The following CDK14 variants were observed in gnomAD, a reference collection of about 807,000 sequenced individuals.
CDK14 encodes cyclin dependent kinase 14.
CDK14 carries 34 observed loss-of-function variants against 60.7 expected under a neutral mutation model. The ratio of observed to expected loss-of-function variants is 0.56; its 90% CI spans 0.43 to 0.75. The LOEUF (loss-of-function observed/expected upper bound fraction) is 0.75, where lower values mean the gene tolerates loss of function less well. Ranked by LOEUF, CDK14 falls within the 30% of genes least tolerant of loss-of-function variation. CDK14 has a pLI of 0.00. For missense variants in CDK14, 482 were observed against 564.1 expected (o/e 0.85, Z 1.47); for synonymous variants, 197 against 203.7 (o/e 0.97, Z 0.28).
chr7:91,019,212 G>T (rs986353605), intron 10 of CDK14, among the ~76,000 whole-genome samples: 1 of 152,156 alleles, frequency 6.6e-6, no homozygotes, highest in Admixed American at 6.5e-5. Flanking sequence ...TCCTGAGCTG[G>T]CTTTCTCTTC....
At chr7:91,079,604 A>G in intron 12 of CDK14, 124 bp downstream of exon 12, 2 of 745,482 alleles carry the variant, frequency 2.7e-6, no homozygotes, top group East Asian at 5.4e-5. Context: ...TCATTTAACC[A>G]TTAAACTGCT....
chr7:91,068,360 G>A (rs1309867874), intron 11 of CDK14, among the ~76,000 whole-genome samples: 1 of 152,118 alleles, frequency 6.6e-6, no homozygotes, highest in African/African-American at 2.4e-5. Context: ...TGTTCTGACT[G>A]GTCAATGCCT....
At chr7:91,170,961 T>G (rs889086195) in intron 14 of CDK14, among the ~76,000 whole-genome samples, 6 of 150,684 alleles carry the variant, frequency 4.0e-5, no homozygotes, top group Non-Finnish European at 8.9e-5. Flanking sequence ...AGAGACAGGG[T>G]TTCACCATGT....
intron 2 of CDK14, among the ~76,000 whole-genome samples, chr7:90,625,797 A>C (rs1008734456): frequency 1.3e-5 from 2 of 152,198 alleles, no homozygotes; most frequent in African/African-American, 2.4e-5. Context: ...GAATGAGAGG[A>C]ATCTGCCTAG....
At chr7:90,607,510 T>C (rs1799443301) in intron 2 of CDK14, among the ~76,000 whole-genome samples, 1 of 152,178 alleles carries the variant, frequency 6.6e-6, no homozygotes. Flanking sequence ...GAAAAAGAAA[T>C]ACAGACTTAT....
chr7:90,919,977 T>G (rs1455318474), intron 8 of CDK14, among the ~76,000 whole-genome samples: 2 of 152,260 alleles, frequency 1.3e-5, no homozygotes, highest in Non-Finnish European at 2.9e-5. Context: ...TTGTCCAGCT[T>G]GGAACACGCA....
intron 10 of CDK14, among the ~76,000 whole-genome samples, chr7:91,020,756 T>C (rs952782260): frequency 6.6e-5 from 10 of 152,182 alleles, no homozygotes; most frequent in African/African-American, 2.4e-4. Context: ...CTTAGTGGCT[T>C]AAAGCAACAT....
intron 2 of CDK14, among the ~76,000 whole-genome samples, chr7:90,721,524 C>T (rs1429509430): frequency 6.6e-6 from 1 of 152,176 alleles, no homozygotes; most frequent in African/African-American, 2.4e-5. Flanking sequence ...GTCCTTCTAG[C>T]ACGATCCCTG....
intron 14 of CDK14, among the ~76,000 whole-genome samples, chr7:91,198,815 A>C (rs1041999084): frequency 6.6e-6 from 1 of 152,364 alleles, no homozygotes; most frequent in Middle Eastern, 3.4e-3. Context: ...GCTGCAATAC[A>C]TTGGATAATA....
At chr7:90,767,799 C>T (rs572379598) in intron 4 of CDK14, among the ~76,000 whole-genome samples, 8 of 152,036 alleles carry the variant, frequency 5.3e-5, no homozygotes, top group East Asian at 1.9e-4. Flanking sequence ...TTTTCTAATA[C>T]GTTTTTGAGT....
chr7:90,755,273 T>C (rs1804010046), intron 4 of CDK14, among the ~76,000 whole-genome samples: 1 of 152,150 alleles, frequency 6.6e-6, no homozygotes, highest in Non-Finnish European at 1.5e-5. Context: ...CCACAGAATA[T>C]TGCACAGCCA....
chr7:91,145,919 T>TTTA (rs202021579), intron 14 of CDK14, among the ~76,000 whole-genome samples: 453 of 6,448 alleles, frequency 0.07, 5 homozygotes, highest in African/African-American at 0.17. Flanking sequence ...CCTGGCTTGC[T>TTTA]TTATTTATTT....
chr7:91,059,781 A>G (rs199600560), intron 11 of CDK14, among the ~76,000 whole-genome samples: 604 of 117,610 alleles, frequency 5.1e-3, no homozygotes, highest in Admixed American at 7.1e-3. Flanking sequence ...AGTTTGTTAT[A>G]ATTTCTGTTC....
At chr7:91,035,414 A>G (rs538438011) in intron 10 of CDK14, among the ~76,000 whole-genome samples, 2 of 152,120 alleles carry the variant, frequency 1.3e-5, no homozygotes, top group South Asian at 4.1e-4. Flanking sequence ...CTGTATATCA[A>G]TATCTTTACC....
intron 8 of CDK14, among the ~76,000 whole-genome samples, chr7:90,953,011 TTTC>T (rs1399846091): frequency 6.6e-6 from 1 of 152,216 alleles, no homozygotes; most frequent in African/African-American, 2.4e-5. Flanking sequence ...CATTCTTTTC[TTTC>T]TCTTTCTTTG....
intron 14 of CDK14, among the ~76,000 whole-genome samples, chr7:91,150,225 C>T (rs1800791999): frequency 6.6e-6 from 1 of 152,140 alleles, no homozygotes; most frequent in Non-Finnish European, 1.5e-5. Context: ...CTTTTAATGC[C>T]AGGATATAAT....
chr7:90,779,330 A>G (rs1449213034), intron 4 of CDK14, among the ~76,000 whole-genome samples: 3 of 152,174 alleles, frequency 2.0e-5, no homozygotes, highest in Admixed American at 1.3e-4. Flanking sequence ...ATAGCTTGCT[A>G]TAACCTTGAA....
rs1337570898 is a variant in CDK14 at position 90,917,594 on chromosome 7, T to C, written c.703-7T>C. On this transcript the variant is annotated splice_polypyrimidine_tract_variant and splice_region_variant and intron_variant, in intron 7 of 14. Coordinates refer to ENST00000380050, the MANE Select transcript of CDK14 (RefSeq NM_001287135.2). ...CTGATTTTAACCTTTGTCTCCTTAT[T>C]TTTCAGTTGTTTTTATTTCAGTTGC... 6.2e-7 allele frequency: 1 copy of C among 1,611,072 alleles called. No individual in the cohort carries two copies. Among genetic ancestry groups the C allele is most frequent in the South Asian group, 1.1e-5 (1 of 90,656 alleles).
chr7:90,721,093 C>T (rs1802433604), intron 2 of CDK14, among the ~76,000 whole-genome samples: 1 of 152,152 alleles, frequency 6.6e-6, no homozygotes, highest in Non-Finnish European at 1.5e-5. Flanking sequence ...TAATACGTTG[C>T]TTAGGCAACA....
Sources: gnomAD v4.1 joint callset for allele counts (sites outside exome capture counted in the v4.1 genomes callset) on GRCh38, gnomAD v4.1.1 for gene constraint, MANE v1.5 for transcripts, NCBI Gene and HGNC (gene_info 2026-07-23, HGNC 2026-07-21) for gene names.